Variants in CTTNBP2 observed in about 807,000 individuals in gnomAD.
CTTNBP2 encodes cortactin binding protein 2.
A neutral mutation model predicts 156.9 loss-of-function variants in CTTNBP2; 108 were observed. That is an observed-to-expected ratio of 0.69 (90% CI 0.59 to 0.81). CTTNBP2 has a LOEUF of 0.81. CTTNBP2 is among the 30% of genes least tolerant of loss of function. CTTNBP2 has a pLI of 0.00. For synonymous variants in CTTNBP2, 767 were observed against 751.8 expected (o/e 1.02, Z -0.33); for missense variants, 1,924 against 2,035.4 (o/e 0.95, Z 1.05).
intron 3 of CTTNBP2, chr7:117,793,284 C>T (rs917471376): frequency 6.6e-6 from 1 of 152,222 alleles, no homozygotes; most frequent in Admixed American, 6.5e-5. Flanking sequence ...CATCTTTGAG[C>T]TTCCTATGAT....
intron 8 of CTTNBP2, among the ~76,000 whole-genome samples, chr7:117,773,696 CACACA>C (rs1797927927): frequency 7.1e-6 from 1 of 140,960 alleles, no homozygotes; most frequent in African/African-American, 2.8e-5. Context: ...CACACACACA[CACACA>C]CACACACCCC....
chr7:117,778,932 T>C (rs897151313), intron 7 of CTTNBP2, among the ~76,000 whole-genome samples: 4 of 152,164 alleles, frequency 2.6e-5, no homozygotes, highest in African/African-American at 9.7e-5. Context: ...TAAAAAATAA[T>C]AGGGTAGAAG....
chr7:117,810,744 AC>A lies in CTTNBP2; in HGVS notation c.414+20del. 6.3e-7 allele frequency: 1 copy of A among 1,594,356 alleles called. No individual in the cohort carries two copies. Among genetic ancestry groups the A allele is most frequent in the Non-Finnish European group, 8.6e-7 (1 of 1,163,568 alleles). ...TGGACACCATGTTGTGGGGAAAATGACCATTTGAACGCCTCAATACCTTCTT... is the reference window on the plus strand; with the variant it reads ...TGGACACCATGTTGTGGGGAAAATGACATTTGAACGCCTCAATACCTTCTT... On this transcript the variant is annotated intron_variant, in intron 3 of 22. Transcript: ENST00000160373.
At chr7:117,751,595 G>T (rs1796622465) in intron 12 of CTTNBP2, among the ~76,000 whole-genome samples, 1 of 152,122 alleles carries the variant, frequency 6.6e-6, no homozygotes, top group Non-Finnish European at 1.5e-5. Flanking sequence ...TAAAAAACTG[G>T]AATTCTTCAC....
At chr7:117,733,873 C>G (rs1198255752) in intron 16 of CTTNBP2, among the ~76,000 whole-genome samples, 1 of 152,162 alleles carries the variant, frequency 6.6e-6, no homozygotes, top group African/African-American at 2.4e-5. Flanking sequence ...GAGCTTCAAT[C>G]TTGGAAAAGC....
rs745752300 is a variant in CTTNBP2, at chr7:117,711,762, G to T, written c.4767C>A (p.Ser1589Arg). ...TGTTGCTGCATTCAGTAGTTTGATG[G>T]CTGCTGAGAGGACTGACCTCCTGTA... ...VSQKEVSPLS[S>R]HQTTECSNSK... The change falls in exon 23 of 23, where the codon AGC becomes AGA. Residue 1589 changes from serine (S) to arginine (R), a missense_variant. Physicochemically the swap from Ser to Arg is moderately radical, Grantham distance 110. Coordinates refer to ENST00000160373, the MANE Select transcript of CTTNBP2 (RefSeq NM_033427.3). The T allele has an allele frequency of 3.1e-6, 5 of 1,612,856 alleles. No individual in the cohort carries two copies. The highest frequency in any genetic ancestry group is 3.4e-6 in the Non-Finnish European group (4 of 1,179,206).
chr7:117,725,340 ACTATGGGG>A, intron 17 of CTTNBP2, 83 bp from the exon 18 acceptor site: 2 of 1,278,646 alleles, frequency 1.6e-6, no homozygotes, highest in African/African-American at 1.5e-5. Context: ...CAGTTTGAAG[ACTATGGGG>A]AAAAAACGTT....
chr7:117,780,629 GTTTGACC>G, intron 6 of CTTNBP2, 38 bp from the exon 7 acceptor site: 1 of 1,431,666 alleles, frequency 7.0e-7, no homozygotes, highest in Non-Finnish European at 9.4e-7. Context: ...TAAAACCTGG[GTTTGACC>G]TTTGAAGCAC....
In CTTNBP2 at chr7:117,798,005, A is replaced by G. The variant is rs556590343; in HGVS notation, c.415-5224T>C. On this transcript the variant is annotated intron_variant, in intron 3 of 22. Coordinates refer to ENST00000160373, the MANE Select transcript of CTTNBP2 (RefSeq NM_033427.3). Reference sequence around the variant, plus strand: ...ATAAAGTTATACCTAGGCACATCATAGTAAAACTGCTGAAAACAAAGACAA... The same window carrying G: ...ATAAAGTTATACCTAGGCACATCATGGTAAAACTGCTGAAAACAAAGACAA... Among the ~76,000 whole-genome samples the G allele has an allele frequency of 3.3e-5, 5 of 152,306 alleles. No homozygotes were observed. In the East Asian group the frequency reaches 9.6e-4, roughly 29 times the overall value.
At chr7:117,747,725 A>T (rs1018614632) in intron 12 of CTTNBP2, among the ~76,000 whole-genome samples, 8 of 152,200 alleles carry the variant, frequency 5.3e-5, no homozygotes, top group Admixed American at 5.2e-4. Context: ...GTGAGCCAAG[A>T]TCATGCCACT....
At chr7:117,808,563 C>G (rs192465250) in intron 3 of CTTNBP2, among the ~76,000 whole-genome samples, 19 of 152,306 alleles carry the variant, frequency 1.2e-4, no homozygotes, top group African/African-American at 4.6e-4. Context: ...ACTAGAGCAG[C>G]GCTCAGGCCA....
intron 2 of CTTNBP2, among the ~76,000 whole-genome samples, chr7:117,832,219 A>C (rs1331961778): frequency 1.3e-5 from 2 of 151,882 alleles, no homozygotes; most frequent in Admixed American, 1.3e-4. Flanking sequence ...TAATGGCTAC[A>C]TCCTATTATA....
chr7:117,791,641 C>G lies in CTTNBP2; in HGVS notation c.1555G>C (p.Gly519Arg). Residue 519 changes from glycine to arginine, a missense_variant, in exon 4 of 23, where the codon GGC becomes CGC. By Grantham distance (125) the Gly-to-Arg change is moderately radical. Coordinates refer to ENST00000160373, the MANE Select transcript of CTTNBP2 (RefSeq NM_033427.3). Reference sequence around the variant, plus strand: ...GTCCGACCAACTGGAGGGTGGGTGCCAACATCCCCTGTTGGGGGCACTCCA... The same window carrying G: ...GTCCGACCAACTGGAGGGTGGGTGCGAACATCCCCTGTTGGGGGCACTCCA... ...RPGVPPTGDV[G>R]THPPVGRTSL... is the part of the protein sequence containing the mutation. The G allele has an allele frequency of 6.2e-7, 1 of 1,614,156 alleles. No individual in the cohort carries two copies. The highest frequency in any genetic ancestry group is 8.5e-7 in the Non-Finnish European group (1 of 1,180,036).
intron 14 of CTTNBP2, among the ~76,000 whole-genome samples, chr7:117,741,570 G>C (rs191578050): frequency 6.6e-6 from 1 of 152,082 alleles, no homozygotes; most frequent in Non-Finnish European, 1.5e-5. Context: ...GTATGCATTC[G>C]CAGCCTCCTT....
chr7:117,771,514 A>G (rs766010919), intron 8 of CTTNBP2, among the ~76,000 whole-genome samples: 24 of 152,146 alleles, frequency 1.6e-4, no homozygotes, highest in Non-Finnish European at 5.9e-5. Flanking sequence ...GCTGAGTGCT[A>G]TGCACTTTGC....
intron 6 of CTTNBP2, among the ~76,000 whole-genome samples, chr7:117,782,033 T>G (rs1414985129): frequency 6.6e-6 from 1 of 152,184 alleles, no homozygotes; most frequent in Non-Finnish European, 1.5e-5. Context: ...AAATAATTCA[T>G]TTTGAATTTT....
chr7:117,759,044 T>C (rs1280015889), intron 10 of CTTNBP2, among the ~76,000 whole-genome samples: 2 of 152,216 alleles, frequency 1.3e-5, no homozygotes, highest in Non-Finnish European at 2.9e-5. Flanking sequence ...ATACTCCATG[T>C]GTGGACAAAA....
rs1013370805 is a variant in CTTNBP2, at chr7:117,719,493, G to C, written c.4644+11C>G. ...TAGAGCCATTCAATGCCCCCCATTT[G>C]TACTGCTCACCTTGCTGATATCAGA... On this transcript the variant is annotated intron_variant, in intron 21 of 22. Coordinates refer to ENST00000160373, the MANE Select transcript of CTTNBP2 (RefSeq NM_033427.3). 3 of 1,612,298 alleles carry C rather than the reference G, an allele frequency of 1.9e-6. No individual in the cohort carries two copies. The highest frequency in any genetic ancestry group is 1.7e-6 in the Non-Finnish European group (2 of 1,179,032).
chr7:117,821,956 G>T (rs1800996164), intron 2 of CTTNBP2, among the ~76,000 whole-genome samples: 1 of 151,968 alleles, frequency 6.6e-6, no homozygotes, highest in African/African-American at 2.4e-5. Flanking sequence ...TAATACCTTT[G>T]CAGTTTTGGG....
Sources: allele counts gnomAD v4.1 joint callset (sites outside exome capture counted in the v4.1 genomes callset), GRCh38; gene constraint gnomAD v4.1.1; transcripts MANE v1.5; gene names NCBI Gene and HGNC (gene_info 2026-07-23, HGNC 2026-07-21).